The following CPA6 variants were observed in gnomAD, a reference collection of about 807,000 sequenced individuals.
The protein encoded by CPA6 is carboxypeptidase A6, also known as carboxypeptidase B.
Under a neutral mutation model 63.3 loss-of-function variants are expected in CPA6, and 58 were observed. The ratio of observed to expected loss-of-function variants is 0.92; its 90% CI spans 0.74 to 1.14. CPA6 has a LOEUF of 1.14. Among genes scored for constraint, CPA6 ranks in the 50% most tolerant of loss-of-function variants. The pLI, the probability that CPA6 is intolerant of heterozygous loss-of-function variation, is 0.00. For synonymous variants in CPA6, 185 were observed against 179.0 expected (o/e 1.03, Z -0.27); for missense variants, 565 against 526.6 (o/e 1.07, Z -0.71).
At chr8:67,671,177 A>G (rs567015083) in intron 1 of CPA6, among the ~76,000 whole-genome samples, 1 of 152,352 alleles carries the variant, frequency 6.6e-6, no homozygotes, top group African/African-American at 2.4e-5. Flanking sequence ...CTTGAGAACA[A>G]TCACCTCAAT....
intron 1 of CPA6, among the ~76,000 whole-genome samples, chr8:67,732,922 CGT>C (rs1817734492): frequency 6.6e-6 from 1 of 151,936 alleles, no homozygotes; most frequent in African/African-American, 2.4e-5. Context: ...TCTTGCCGGG[CGT>C]GGTGGCTCAC....
intron 2 of CPA6, among the ~76,000 whole-genome samples, chr8:67,535,887 G>A (rs769135512): frequency 2.6e-5 from 4 of 152,184 alleles, no homozygotes; most frequent in Non-Finnish European, 4.4e-5. Context: ...TTTGTATAAA[G>A]TGTAAGGAAA....
chr8:67,595,429 T>C (rs539209365), intron 2 of CPA6, among the ~76,000 whole-genome samples: 1 of 152,310 alleles, frequency 6.6e-6, no homozygotes, highest in East Asian at 1.9e-4. Context: ...GACAGGGACA[T>C]TTTAGTCTGC....
At position 67,746,008 on chromosome 8, in the gene CPA6, A is replaced by G. The variant is rs759742958; in HGVS notation, c.116+6T>C. Reference sequence around the variant, plus strand: ...CTGTGTAGGGCATGAATGTCGCTCCACTTACCCAGCATAGCGGTTGTTATA... The same window carrying G: ...CTGTGTAGGGCATGAATGTCGCTCCGCTTACCCAGCATAGCGGTTGTTATA... On this transcript the variant is annotated splice_donor_region_variant and intron_variant, in intron 1 of 10. Coordinates refer to ENST00000297770, the MANE Select transcript of CPA6 (RefSeq NM_020361.5). 4 of 1,608,318 alleles carry G rather than the reference A, an allele frequency of 2.5e-6. No homozygotes were observed. In the African/African-American group the frequency reaches 4.0e-5, roughly 16 times the overall value.
At position 67,746,036 on chromosome 8, in the gene CPA6, G is replaced by C; in HGVS notation, c.94C>G (p.Leu32Val). Residue 32 changes from leucine to valine, a missense_variant, in exon 1 of 11, where the codon CTT (leucine) becomes GTT (valine). Leu to Val is a conservative substitution (Grantham distance 32). Coordinates refer to ENST00000297770, the MANE Select transcript of CPA6 (RefSeq NM_020361.5). ...TACCCAGCATAGCGGTTGTTATAAA[G>C]GTGGCTGTGCCCCGGTTGCAGAATC... is the stretch of plus-strand genomic sequence containing the variant. ...LKILQPGHSH[L>V]YNNRYAGDKV... 6.2e-7 allele frequency: 1 copy of C among 1,613,610 alleles called. No homozygotes were observed. Among genetic ancestry groups the C allele is most frequent in the South Asian group, 1.1e-5 (1 of 90,990 alleles).
rs543773743 is a variant in CPA6 at position 67,610,017 on chromosome 8, G to A, written c.192+14159C>T. On this transcript the variant is annotated intron_variant, in intron 2 of 10. Transcript: ENST00000297770. ...AGCCTGGGTGACAGAGCGAGACTCC[G>A]TCTCAACAAAACAAAACAAAACAAA... Among the ~76,000 whole-genome samples, 31 of 136,186 alleles carry A rather than the reference G, an allele frequency of 2.3e-4. No individual in the cohort carries two copies. The South Asian group carries it at 4.8e-3, about 21-fold the overall frequency. The allele number at this position is 136,186 out of a possible 152,430, so 89.3% of individuals were successfully genotyped here. A position where few individuals can be genotyped will look rare whatever the true frequency, so the allele number is the denominator to read the frequency against.
rs993930163 is a variant in CPA6, at chr8:67,434,293, A to G, written c.839-53T>C. ...AGGAAGTGGGCAGGGAAGAAACAAG[A>G]AACACAAATCAGCACTGTTAAGCTG... On this transcript the variant is annotated intron_variant, in intron 8 of 10. Transcript: ENST00000297770. The G allele has an allele frequency of 1.3e-5, 18 of 1,430,542 alleles. 1 individual carries two copies. In the Middle Eastern group the frequency reaches 8.4e-4, roughly 67 times the overall value. The allele number at this position is 1,430,542 out of a possible 1,614,324, so 88.6% of individuals were successfully genotyped here. A position where few individuals can be genotyped will look rare whatever the true frequency, so the allele number is the denominator to read the frequency against.
At chr8:67,703,108 G>T (rs879143760) in intron 1 of CPA6, among the ~76,000 whole-genome samples, 1 of 152,160 alleles carries the variant, frequency 6.6e-6, no homozygotes, top group African/African-American at 2.4e-5. Context: ...ACTTGGATAT[G>T]TTCCCCAGTG....
At chr8:67,545,580 T>TGTTTTG (rs1554672936) in intron 2 of CPA6, among the ~76,000 whole-genome samples, 3 of 125,634 alleles carry the variant, frequency 2.4e-5, no homozygotes, top group Admixed American at 9.5e-5. Flanking sequence ...TTTTTTTTTT[T>TGTTTTG]TTTTGAGATG....
At chr8:67,494,655 TA>T (rs1011370064) in intron 6 of CPA6, among the ~76,000 whole-genome samples, 4 of 152,034 alleles carry the variant, frequency 2.6e-5, no homozygotes, top group Non-Finnish European at 5.9e-5. Flanking sequence ...TTTCCACAAT[TA>T]AAAAAACAAA....
intron 8 of CPA6, among the ~76,000 whole-genome samples, chr8:67,469,227 A>G (rs1238846182): frequency 1.3e-5 from 2 of 152,200 alleles, no homozygotes; most frequent in Non-Finnish European, 2.9e-5. Flanking sequence ...GGATGAGATT[A>G]ACATTTAAAT....
rs573654988 is a variant in CPA6, at chr8:67,673,723, T to C, written c.117-49472A>G. 3.9e-5 allele frequency among the ~76,000 whole-genome samples: 6 copies of C among 152,232 alleles called. No homozygotes were observed. In the South Asian group the frequency reaches 1.0e-3, roughly 26 times the overall value. On this transcript the variant is annotated intron_variant, in intron 1 of 10. Transcript: ENST00000297770. ...TATTATTTTTATCCACAGACTATAA[T>C]AGCATTTTAGTACTCAAAAGAGTGT...
chr8:67,613,803 C>A (rs1338307657), intron 2 of CPA6, among the ~76,000 whole-genome samples: 2 of 152,172 alleles, frequency 1.3e-5, no homozygotes, highest in African/African-American at 2.4e-5. Flanking sequence ...GCCTGCTATG[C>A]CCCCTATCCT....
chr8:67,445,349 C>A (rs1810387943), intron 8 of CPA6, among the ~76,000 whole-genome samples: 2 of 152,058 alleles, frequency 1.3e-5, no homozygotes, highest in Admixed American at 6.6e-5. Context: ...GAATCAGCAA[C>A]CAGGTGGAGT....
intron 10 of CPA6, among the ~76,000 whole-genome samples, chr8:67,424,089 C>G (rs1167127648): frequency 2.0e-5 from 3 of 152,154 alleles, no homozygotes; most frequent in Non-Finnish European, 4.4e-5. Context: ...GTTGTGCATT[C>G]CTTCTAAGAA....
Position 67,509,625 on chromosome 8 carries a change from G to A in CPA6, c.433-7C>T. The A allele has an allele frequency of 6.9e-7, 1 of 1,451,336 alleles. No individual in the cohort carries two copies. Among genetic ancestry groups the A allele is most frequent in the Non-Finnish European group, 9.6e-7 (1 of 1,043,216 alleles). 89.9% of individuals were successfully genotyped at this position (1,451,336 alleles called of 1,614,324 possible). ...GATGCATCCAATTTTGAATCTAAGA[G>A]CAAATAAATAAAAACTATGTTAGAC... On this transcript the variant is annotated splice_polypyrimidine_tract_variant and splice_region_variant and intron_variant, in intron 4 of 10. Transcript: ENST00000297770.
rs1417470405 is a variant in CPA6 at position 67,422,645 on chromosome 8, T to C, written c.1173A>G (p.Ile391Met). 22 of 1,613,876 alleles carry C rather than the reference T, an allele frequency of 1.4e-5. No individual in the cohort carries two copies. Among genetic ancestry groups the C allele is most frequent in the Non-Finnish European group, 1.7e-5 (20 of 1,180,002 alleles). The change falls in exon 11 of 11, where the codon ATA becomes ATG. Residue 391 changes from isoleucine to methionine, a missense_variant. Transcript: ENST00000297770. ...GTAGTTCGAAAGCAAATGCATAAGG[T>C]ATTCCATTTTTGTAGGCCCAATCCA... ...SSMDWAYKNG[I>M]PYAFAFELRD... is the part of the protein sequence containing the mutation.
intron 2 of CPA6, chr8:67,569,659 T>A (rs978987538): frequency 3.2e-5 from 11 of 345,712 alleles, no homozygotes; most frequent in African/African-American, 2.2e-4. Flanking sequence ...GAAGGTTATA[T>A]CCAAACTGTG....
intron 2 of CPA6, among the ~76,000 whole-genome samples, chr8:67,560,723 C>G (rs1813188642): frequency 6.6e-6 from 1 of 152,084 alleles, no homozygotes; most frequent in South Asian, 2.1e-4. Context: ...TGTGGGATAC[C>G]AGCTGACACT....
Sources: allele counts gnomAD v4.1 joint callset (sites outside exome capture counted in the v4.1 genomes callset), GRCh38; gene constraint gnomAD v4.1.1; transcripts MANE v1.5; gene names NCBI Gene and HGNC (gene_info 2026-07-23, HGNC 2026-07-21).